ZFAT: variants seen among roughly 807,000 people sequenced by gnomAD.
ZFAT encodes the protein zinc finger protein ZFAT.
Under a neutral mutation model 117.7 loss-of-function variants are expected in ZFAT, and 64 were observed. The observed-to-expected ratio is 0.54, with a 90% confidence interval of 0.44 to 0.67. ZFAT has a LOEUF of 0.67. Ranked by LOEUF, ZFAT falls within the 30% of genes least tolerant of loss-of-function variation. ZFAT has a pLI of 0.00. For missense variants in ZFAT, 1,433 were observed against 1,584.5 expected (o/e 0.90, Z 1.62); for synonymous variants, 679 against 615.0 (o/e 1.10, Z -1.54).
chr8:134,533,708 G>A (rs944649855), intron 11 of ZFAT, among the ~76,000 whole-genome samples: 6 of 152,168 alleles, frequency 3.9e-5, no homozygotes, highest in African/African-American at 1.2e-4. Context: ...AGACACTTTC[G>A]GGATGAGGCC....
At chr8:134,638,549 C>CAAAAAAAAAAAAAAAAAAAA (rs758050176) in intron 2 of ZFAT, among the ~76,000 whole-genome samples, 15 of 101,128 alleles carry the variant, frequency 1.5e-4, no homozygotes, top group African/African-American at 5.2e-4. Context: ...ACTAAAAATA[C>CAAAAAAAAAAAAAAAAAAAA]AAAAAAAAAA....
At chr8:134,482,222 C>T (rs1308620860) in intron 15 of ZFAT, among the ~76,000 whole-genome samples, 1 of 152,190 alleles carries the variant, frequency 6.6e-6, no homozygotes, top group African/African-American at 2.4e-5. Flanking sequence ...AGCCACCACT[C>T]CTGAGCTCCA....
chr8:134,656,430 A>C (rs1586902581), intron 2 of ZFAT, among the ~76,000 whole-genome samples: 2 of 151,876 alleles, frequency 1.3e-5, no homozygotes, highest in Admixed American at 6.6e-5. Flanking sequence ...CTCCTTATTC[A>C]CCCACCACTA....
the ZFAT span, among the ~76,000 whole-genome samples, chr8:134,755,445 G>GAA: frequency 6.6e-6 from 1 of 151,152 alleles, no homozygotes; most frequent in Non-Finnish European, 1.5e-5. Context: ...GGGTGTAAGT[G>GAA]GTTTTTGGTT....
upstream of ZFAT, among the ~76,000 whole-genome samples, chr8:134,714,619 T>A (rs1322424225): frequency 2.6e-5 from 4 of 152,196 alleles, no homozygotes; most frequent in Admixed American, 1.3e-4. Context: ...GTTAAATATA[T>A]GCTCACAGAT....
chr8:134,795,588 T>C, the ZFAT span: 2 of 152,266 alleles, frequency 1.3e-5, no homozygotes, highest in African/African-American at 2.4e-5. Context: ...TGTAAATAAA[T>C]GGGCCGGAAG....
chr8:134,690,966 T>C (rs1219670231), intron 1 of ZFAT, among the ~76,000 whole-genome samples: 1 of 152,250 alleles, frequency 6.6e-6, no homozygotes, highest in Non-Finnish European at 1.5e-5. Context: ...TTCCATTTTG[T>C]TCATGAGAAT....
chr8:134,716,983 C>T (rs1162039813), upstream of ZFAT, among the ~76,000 whole-genome samples: 1 of 152,046 alleles, frequency 6.6e-6, no homozygotes, highest in Non-Finnish European at 1.5e-5. Flanking sequence ...AGACTAGGAA[C>T]CATGCCAAAA....
chr8:134,524,448 T>C (rs1183639585), intron 12 of ZFAT, among the ~76,000 whole-genome samples: 1 of 152,214 alleles, frequency 6.6e-6, no homozygotes, highest in African/African-American at 2.4e-5. Flanking sequence ...ATTAAGATTA[T>C]AAATTTAAAC....
rs192980695 is a variant in ZFAT, at chr8:134,573,350, T to C, written c.2888-7929A>G. On this transcript the variant is annotated intron_variant, in intron 10 of 15. Transcript: ENST00000377838. Reference sequence around the variant, plus strand: ...AACAAGAACCTTCCTTGGAAGGTTCTTGAGAATCGGCAACAAATTCGTTTA... The same window carrying C: ...AACAAGAACCTTCCTTGGAAGGTTCCTGAGAATCGGCAACAAATTCGTTTA... Among the ~76,000 whole-genome samples the C allele has an allele frequency of 2.0e-5, 3 of 152,294 alleles. No homozygotes were observed. In the East Asian group the frequency reaches 5.8e-4, roughly 29 times the overall value.
At chr8:134,529,565 T>C (rs562550640) in intron 12 of ZFAT, among the ~76,000 whole-genome samples, 3 of 152,308 alleles carry the variant, frequency 2.0e-5, no homozygotes, top group Middle Eastern at 6.8e-3. Context: ...TGCTCAGTAC[T>C]ACCTTAATTA....
chr8:134,718,622 G>A, the ZFAT span, among the ~76,000 whole-genome samples: 17 of 152,138 alleles, frequency 1.1e-4, no homozygotes, highest in African/African-American at 1.9e-4. Flanking sequence ...TCCCAGCAAA[G>A]AAACGGAAAA....
Position 134,657,601 on chromosome 8 carries a change from C to A in ZFAT, c.156G>T (p.Leu52=). 1 of 1,613,978 alleles carries A rather than the reference C, an allele frequency of 6.2e-7. No individual in the cohort carries two copies. The highest frequency in any genetic ancestry group is 8.5e-7 in the Non-Finnish European group (1 of 1,180,000). Residue 52 remains leucine (L), a synonymous_variant, in exon 2 of 16, where the codon CTG becomes CTT. Transcript: ENST00000377838. ...VDEIIIPLRP[L]STPEPPNSSK... ...TTGAGTTGGGGGGTTCAGGTGTACT[C>A]AGAGGCCTAAGGGGAATAATAATCT...
chr8:134,486,108 A>G (rs2130069884), intron 15 of ZFAT, among the ~76,000 whole-genome samples: 1 of 152,308 alleles, frequency 6.6e-6, no homozygotes, highest in Admixed American at 6.5e-5. Context: ...TTAAAATAAA[A>G]CCCGTTGGCC....
At chr8:134,578,268 G>A (rs183344136) in intron 10 of ZFAT, among the ~76,000 whole-genome samples, 5 of 152,000 alleles carry the variant, frequency 3.3e-5, no homozygotes, top group Admixed American at 1.3e-4. Context: ...CAAATTAGTT[G>A]GGTGTGGTGG....
At chr8:134,563,085 GAAGTAC>G (rs1049261067) in intron 11 of ZFAT, among the ~76,000 whole-genome samples, 1 of 152,142 alleles carries the variant, frequency 6.6e-6, no homozygotes, top group Non-Finnish European at 1.5e-5. Flanking sequence ...GTCCCCCAAA[GAAGTAC>G]ACCTATATGC....
the ZFAT span, among the ~76,000 whole-genome samples, chr8:134,780,301 G>GAC: frequency 0.011 from 1,735 of 152,252 alleles, 10 homozygotes; most frequent in Middle Eastern, 0.017. Context: ...AATCTTCCAA[G>GAC]ACACACACAC....
At chr8:134,559,528 G>A (rs1265227114) in intron 11 of ZFAT, among the ~76,000 whole-genome samples, 1 of 152,228 alleles carries the variant, frequency 6.6e-6, no homozygotes, top group Non-Finnish European at 1.5e-5. Context: ...GCATCTGCAA[G>A]TATATCTGTA....
intron 1 of ZFAT, among the ~76,000 whole-genome samples, chr8:134,675,419 G>T (rs954750892): frequency 1.3e-5 from 2 of 152,170 alleles, no homozygotes; most frequent in African/African-American, 4.8e-5. Flanking sequence ...AGGGTGAAAA[G>T]AAGCAAACAA....
Sources: gnomAD v4.1 joint callset for allele counts (sites outside exome capture counted in the v4.1 genomes callset) on GRCh38, gnomAD v4.1.1 for gene constraint, MANE v1.5 for transcripts, NCBI Gene and HGNC (gene_info 2026-07-23, HGNC 2026-07-21) for gene names.